PRH1: variants seen among roughly 807,000 people sequenced by gnomAD.
PRH1 encodes the protein salivary acidic proline-rich phosphoprotein 1/2.
PRH1 carries 7 observed loss-of-function variants against 7.9 expected under a neutral mutation model. The ratio of observed to expected loss-of-function variants is 0.89; its 90% CI spans 0.50 to 1.67. The LOEUF is 1.67. PRH1 is among the 40% of genes most tolerant of loss of function. PRH1 has a pLI of 0.00. For missense variants in PRH1, 109 were observed against 223.6 expected (o/e 0.49, Z 3.27); for synonymous variants, 45 against 80.8 (o/e 0.56, Z 2.38).
intron 1 of PRH1, among the ~76,000 whole-genome samples, chr12:10,989,729 T>A (rs1330511410): frequency 6.6e-6 from 1 of 152,194 alleles, no homozygotes; most frequent in East Asian, 1.9e-4. Context: ...GTAATTTTCC[T>A]TTTATCTAAA....
At chr12:11,103,143 G>A (rs996451651) in intron 1 of PRH1, among the ~76,000 whole-genome samples, 3 of 152,084 alleles carry the variant, frequency 2.0e-5, no homozygotes, top group Admixed American at 1.3e-4. Context: ...CGATTCCTCA[G>A]GGATATAGAA....
intron 1 of PRH1, among the ~76,000 whole-genome samples, chr12:11,134,799 A>C (rs1457124469): frequency 6.6e-6 from 1 of 152,188 alleles, no homozygotes; most frequent in East Asian, 1.9e-4. Flanking sequence ...GCTTTTATCA[A>C]AAGCATCTAA....
chr12:10,957,782 T>C (rs1938047437), intron 2 of PRH1, among the ~76,000 whole-genome samples: 1 of 152,090 alleles, frequency 6.6e-6, no homozygotes, highest in African/African-American at 2.4e-5. Context: ...AGTGAAGACA[T>C]ACACTCAGCC....
At chr12:10,905,075 G>C (rs1392537492) in intron 2 of PRH1, among the ~76,000 whole-genome samples, 1 of 151,280 alleles carries the variant, frequency 6.6e-6, no homozygotes, top group Non-Finnish European at 1.5e-5. Flanking sequence ...GTACCCTGTT[G>C]GTGGGCATGC....
intron 1 of PRH1, among the ~76,000 whole-genome samples, chr12:11,131,704 A>C (rs1946347739): frequency 6.6e-6 from 1 of 151,158 alleles, no homozygotes; most frequent in Non-Finnish European, 1.5e-5. Flanking sequence ...AGACTATATT[A>C]TTGTGATATT....
intron 1 of PRH1, chr12:11,034,676 A>G (rs1298589307): frequency 6.6e-6 from 1 of 152,016 alleles, no homozygotes; most frequent in African/African-American, 2.4e-5. Context: ...ACATTTTGTA[A>G]GGCTGGGGCA....
At chr12:10,904,473 A>G (rs1406107809) in intron 2 of PRH1, among the ~76,000 whole-genome samples, 1 of 152,238 alleles carries the variant, frequency 6.6e-6, no homozygotes, top group Non-Finnish European at 1.5e-5. Context: ...CTGGCTAGCC[A>G]TAAGCAAAAT....
chr12:11,031,451 G>A, intron 1 of PRH1: 3 of 1,206,022 alleles, frequency 2.5e-6, no homozygotes, highest in Non-Finnish European at 3.4e-6. Flanking sequence ...CCTTCACGGT[G>A]AGTGTTGCTG....
chr12:10,890,433 A>G (rs10845230), intron 2 of PRH1, among the ~76,000 whole-genome samples: 80,456 of 151,860 alleles, frequency 0.53, 23,137 homozygotes, highest in East Asian at 0.73. Context: ...TGTTTGTTCA[A>G]TCCTCATCAG....
chr12:10,896,591 GTC>G (rs1949648415), intron 2 of PRH1, among the ~76,000 whole-genome samples: 1 of 151,858 alleles, frequency 6.6e-6, no homozygotes, highest in African/African-American at 2.4e-5. Context: ...GTGAAACCCT[GTC>G]TCTACTAAAA....
At chr12:11,052,329 C>T (rs138929687) in intron 1 of PRH1, among the ~76,000 whole-genome samples, 26 of 152,338 alleles carry the variant, frequency 1.7e-4, no homozygotes, top group Non-Finnish European at 3.5e-4. Context: ...TGGAAACACA[C>T]TGAAGACATG....
At chr12:11,075,380 G>C (rs1364173775) in intron 1 of PRH1, among the ~76,000 whole-genome samples, 1 of 110,824 alleles carries the variant, frequency 9.0e-6, no homozygotes, top group African/African-American at 3.1e-5. Flanking sequence ...AAGTTTGCTA[G>C]CTTTTTTTTT....
chr12:11,116,320 A>G (rs940237103), downstream of PRH1, among the ~76,000 whole-genome samples: 1 of 152,064 alleles, frequency 6.6e-6, no homozygotes, highest in Non-Finnish European at 1.5e-5. Context: ...CATACAACCT[A>G]CAAAGATTGA....
chr12:10,939,013 G>A (rs1329164035), intron 2 of PRH1: 2 of 1,613,364 alleles, frequency 1.2e-6, no homozygotes, highest in East Asian at 4.5e-5. Flanking sequence ...ACACACACCA[G>A]CTTCCGAATA....
At chr12:11,169,028 G>C (rs1019486084) in intron 1 of PRH1, among the ~76,000 whole-genome samples, 1 of 152,180 alleles carries the variant, frequency 6.6e-6, no homozygotes, top group Non-Finnish European at 1.5e-5. Flanking sequence ...GGTGTGGTGT[G>C]AACATAAGTA....
downstream of PRH1, among the ~76,000 whole-genome samples, chr12:11,115,981 T>C (rs1945720737): frequency 6.6e-6 from 1 of 151,832 alleles, no homozygotes; most frequent in Admixed American, 6.6e-5. Flanking sequence ...ATGTGTATCT[T>C]AAATAACTGA....
Position 10,883,062 on chromosome 12 carries a change from T to A in PRH1, c.99A>T (p.Ser33=), listed in dbSNP as rs1949432749. The stretch of plus-strand genomic sequence containing the variant: ...TACTGAGAATTTATTGGGATTTACC[T>A]GATATTACGAGGGGAACATCTTCCT... ...VSQEDVPLVI[S]DGGDSEQFLD... Residue 33 remains serine (S), a splice_region_variant and synonymous_variant, in exon 2 of 4, where the codon TCA becomes TCT. Coordinates refer to ENST00000543626, the MANE Select transcript of PRH1 (RefSeq NM_001393989.1). 1 of 1,612,762 alleles carries A rather than the reference T, an allele frequency of 6.2e-7. No homozygotes were observed. Among genetic ancestry groups the A allele is most frequent in the African/African-American group, 1.3e-5 (1 of 74,904 alleles).
intron 1 of PRH1, among the ~76,000 whole-genome samples, chr12:11,091,115 C>CACACACACAT (rs751016037): frequency 8.0e-5 from 2 of 25,104 alleles, no homozygotes; most frequent in African/African-American, 1.6e-4. Context: ...CACACACACA[C>CACACACACAT]ATATATATAT....
intron 1 of PRH1, among the ~76,000 whole-genome samples, chr12:11,100,535 T>C (rs1181647349): frequency 2.6e-5 from 4 of 152,180 alleles, no homozygotes; most frequent in Non-Finnish European, 5.9e-5. Context: ...CCACCACAGC[T>C]CCACCATTCT....
Sources: gnomAD v4.1 joint callset for allele counts (sites outside exome capture counted in the v4.1 genomes callset) on GRCh38, gnomAD v4.1.1 for gene constraint, MANE v1.5 for transcripts, NCBI Gene and HGNC (gene_info 2026-07-23, HGNC 2026-07-21) for gene names.